The following DPP6 variants were observed in gnomAD, a reference collection of about 807,000 sequenced individuals.
DPP6 encodes dipeptidyl peptidase like 6.
A neutral mutation model predicts 122.6 loss-of-function variants in DPP6; 69 were observed. That is an observed-to-expected ratio of 0.56 (90% CI 0.46 to 0.69). DPP6 has a LOEUF of 0.69. DPP6 is among the 30% of genes least tolerant of loss of function. DPP6 has a pLI of 0.00. For synonymous variants in DPP6, 418 were observed against 433.1 expected, an observed-to-expected ratio of 0.97 and a Z score of 0.43; for missense variants, 928 against 1,116.9, an observed-to-expected ratio of 0.83 and a Z score of 2.41.
intron 1 of DPP6, among the ~76,000 whole-genome samples, chr7:154,429,304 A>T (rs185214761): frequency 6.6e-6 from 1 of 152,298 alleles, no homozygotes; most frequent in African/African-American, 2.4e-5. Context: ...GAATTTGCTG[A>T]CGCTCCTCTG....
chr7:154,138,374 G>C (rs1248437126), intron 1 of DPP6, among the ~76,000 whole-genome samples: 1 of 152,228 alleles, frequency 6.6e-6, no homozygotes, highest in Non-Finnish European at 1.5e-5. Flanking sequence ...CTGGGATGAA[G>C]ACATTATTTG....
chr7:153,752,254 T>TG, the DPP6 span, among the ~76,000 whole-genome samples: 1 of 28,716 alleles, frequency 3.5e-5, no homozygotes, highest in African/African-American at 2.6e-4. Flanking sequence ...CCACAGCCTC[T>TG]TTTTTTTTTT....
At chr7:154,776,215 A>AGATAGATAGAT (rs1164486527) in intron 10 of DPP6, among the ~76,000 whole-genome samples, 1 of 110,282 alleles carries the variant, frequency 9.1e-6, no homozygotes, top group Non-Finnish European at 1.9e-5. Context: ...ATAGATAGAT[A>AGATAGATAGAT]GATAGATAGA....
At chr7:154,180,506 A>T (rs1368772490) in intron 1 of DPP6, among the ~76,000 whole-genome samples, 2 of 142,126 alleles carry the variant, frequency 1.4e-5, no homozygotes, top group African/African-American at 5.4e-5. Flanking sequence ...AGATATATAA[A>T]TAAATATATA....
chr7:154,846,133 A>T (rs1232091545), intron 16 of DPP6, among the ~76,000 whole-genome samples: 1 of 151,934 alleles, frequency 6.6e-6, no homozygotes, highest in Non-Finnish European at 1.5e-5. Context: ...TATGCAAATT[A>T]TTTTTGGTAA....
chr7:154,826,314 T>G (rs1800137843), intron 16 of DPP6, among the ~76,000 whole-genome samples: 1 of 152,218 alleles, frequency 6.6e-6, no homozygotes, highest in Admixed American at 6.5e-5. Context: ...AGACATTAAA[T>G]TGGGTGTATA....
intron 2 of DPP6, among the ~76,000 whole-genome samples, chr7:154,463,871 A>G (rs1821554490): frequency 6.6e-6 from 1 of 152,032 alleles, no homozygotes; most frequent in African/African-American, 2.4e-5. Flanking sequence ...CCTCTCCTCA[A>G]GCAGAGGGAA....
At chr7:154,316,670 T>C (rs1807456951) in intron 1 of DPP6, among the ~76,000 whole-genome samples, 1 of 152,216 alleles carries the variant, frequency 6.6e-6, no homozygotes, top group Non-Finnish European at 1.5e-5. Flanking sequence ...TCAGTTGCCC[T>C]CTACTGGGTC....
intron 1 of DPP6, among the ~76,000 whole-genome samples, chr7:154,157,532 C>A (rs945088375): frequency 6.6e-6 from 1 of 152,228 alleles, no homozygotes; most frequent in Non-Finnish European, 1.5e-5. Flanking sequence ...CCCTGCCTCT[C>A]TCCTCCTGAA....
At chr7:154,248,320 T>A (rs911714153) in intron 1 of DPP6, among the ~76,000 whole-genome samples, 1 of 152,116 alleles carries the variant, frequency 6.6e-6, no homozygotes, top group Non-Finnish European at 1.5e-5. Flanking sequence ...ACAGCAGGGA[T>A]GAGTCTTAGA....
intron 1 of DPP6, among the ~76,000 whole-genome samples, chr7:154,164,930 T>G (rs1182782196): frequency 6.6e-5 from 10 of 152,250 alleles, no homozygotes; most frequent in African/African-American, 2.4e-4. Flanking sequence ...TGAACTGTTA[T>G]GCTCAAGTTT....
At chr7:154,527,672 A>G (rs939230196) in intron 3 of DPP6, among the ~76,000 whole-genome samples, 6 of 152,182 alleles carry the variant, frequency 3.9e-5, no homozygotes, top group African/African-American at 1.4e-4. Flanking sequence ...ATTACTATGT[A>G]GGGATTCTTT....
At chr7:154,302,173 ACTC>A (rs1805954464) in intron 1 of DPP6, among the ~76,000 whole-genome samples, 1 of 151,516 alleles carries the variant, frequency 6.6e-6, no homozygotes, top group Non-Finnish European at 1.5e-5. Flanking sequence ...TCAATTAGCA[ACTC>A]CTCACCTCCC....
upstream of DPP6, among the ~76,000 whole-genome samples, chr7:154,051,266 C>T (rs1255055623): frequency 9.1e-6 from 1 of 110,094 alleles, no homozygotes; most frequent in Non-Finnish European, 2.0e-5. Flanking sequence ...AGGTTCCCCC[C>T]TCTGGAGTTG....
chr7:154,733,678 C>T (rs947313201), intron 8 of DPP6, among the ~76,000 whole-genome samples: 3 of 152,180 alleles, frequency 2.0e-5, no homozygotes, highest in East Asian at 1.9e-4. Context: ...TGTAGTAGAT[C>T]ACAGTGGATT....
intron 16 of DPP6, among the ~76,000 whole-genome samples, chr7:154,815,463 G>T (rs926419967): frequency 3.9e-5 from 6 of 152,286 alleles, no homozygotes; most frequent in African/African-American, 1.4e-4. Context: ...CACAGTCCTC[G>T]CCTCTGTTGA....
At chr7:154,611,553 A>G (rs1455544296) in intron 5 of DPP6, among the ~76,000 whole-genome samples, 2 of 151,168 alleles carry the variant, frequency 1.3e-5, no homozygotes, top group Non-Finnish European at 2.9e-5. Context: ...GTGTGTGTGT[A>G]ATATTAAGCA....
intron 1 of DPP6, among the ~76,000 whole-genome samples, chr7:154,251,979 T>C (rs1204688641): frequency 2.0e-5 from 3 of 152,222 alleles, no homozygotes; most frequent in African/African-American, 7.2e-5. Flanking sequence ...TATTAATCAT[T>C]TACAGATGGA....
chr7:153,958,542 T>C (rs1237414180), intron 1 of DPP6, among the ~76,000 whole-genome samples: 1 of 152,102 alleles, frequency 6.6e-6, no homozygotes, highest in African/African-American at 2.4e-5. Context: ...CCAGCTACAC[T>C]TGCAGGTCGA....
Sources: gnomAD v4.1 joint callset for allele counts (sites outside exome capture counted in the v4.1 genomes callset) on GRCh38, gnomAD v4.1.1 for gene constraint, MANE v1.5 for transcripts, NCBI Gene and HGNC (gene_info 2026-07-23, HGNC 2026-07-21) for gene names.